CAPS2: variants seen among roughly 807,000 people sequenced by gnomAD.
The protein encoded by CAPS2 is calcyphosine 2, also known as calcyphosin-2.
A neutral mutation model predicts 86.5 loss-of-function variants in CAPS2; 98 were observed. The observed-to-expected ratio is 1.13, with a 90% CI of 0.96 to 1.34. The LOEUF is 1.34. Among genes scored for constraint, CAPS2 ranks in the 40% most tolerant of loss-of-function variants. The pLI is 0.00. For missense variants in CAPS2, 729 were observed against 686.8 expected (o/e 1.06, Z -0.69); for synonymous variants, 210 against 225.1 (o/e 0.93, Z 0.60).
intron 1 of CAPS2, among the ~76,000 whole-genome samples, chr12:75,362,164 A>G (rs2043638936): frequency 6.6e-6 from 1 of 152,158 alleles, no homozygotes; most frequent in South Asian, 2.1e-4. Flanking sequence ...TATAGGAAGA[A>G]CTCTCACAAC....
chr12:75,279,971 G>A (rs951445453), intron 16 of CAPS2, among the ~76,000 whole-genome samples: 2 of 151,516 alleles, frequency 1.3e-5, no homozygotes, highest in African/African-American at 2.4e-5. Flanking sequence ...TTCAAATAGC[G>A]AAGAATTTCA....
chr12:75,383,674 C>G (rs1295938503), intron 1 of CAPS2, among the ~76,000 whole-genome samples: 1 of 152,150 alleles, frequency 6.6e-6, no homozygotes, highest in Non-Finnish European at 1.5e-5. Flanking sequence ...ACAACAACAT[C>G]AATCACCTGG....
exon 1 of CAPS2, chr12:75,390,886 T>C (rs772726481): frequency 1.0e-5 from 7 of 698,522 alleles, no homozygotes; most frequent in Non-Finnish European, 1.9e-5. Context: ...ACCAGCTTTC[T>C]TCACTCTGCA....
intron 6 of CAPS2, among the ~76,000 whole-genome samples, chr12:75,315,201 A>G (rs2039630850): frequency 6.6e-6 from 1 of 152,210 alleles, no homozygotes; most frequent in South Asian, 2.1e-4. Flanking sequence ...AAAGAAATCC[A>G]TTAACATCCA....
At chr12:75,285,065 A>G (rs1355108780) in exon 15 of CAPS2, 1 of 1,608,726 alleles carries the variant, frequency 6.2e-7, no homozygotes, top group African/African-American at 1.3e-5. Context: ...AGAATTAGCC[A>G]TGCAGACTCA....
At chr12:75,316,285 A>G (rs905695147) in intron 6 of CAPS2, 27 bp downstream of exon 6, 2 of 1,549,004 alleles carry the variant, frequency 1.3e-6, no homozygotes, top group African/African-American at 2.7e-5. Flanking sequence ...ATGGCTCACC[A>G]AATAAGTAAA....
intron 5 of CAPS2, among the ~76,000 whole-genome samples, chr12:75,318,382 C>T (rs1402756130): frequency 6.6e-6 from 1 of 152,098 alleles, no homozygotes; most frequent in Non-Finnish European, 1.5e-5. Context: ...AGCCCATCCT[C>T]AAAAGAACGA....
chr12:75,358,742 TA>T (rs938835885), intron 1 of CAPS2, among the ~76,000 whole-genome samples: 2 of 145,268 alleles, frequency 1.4e-5, no homozygotes, highest in Non-Finnish European at 3.0e-5. Flanking sequence ...ATATATGGTT[TA>T]AATATATATA....
intron 14 of CAPS2, among the ~76,000 whole-genome samples, chr12:75,289,097 G>A (rs1315069179): frequency 6.6e-6 from 1 of 152,024 alleles, no homozygotes; most frequent in Non-Finnish European, 1.5e-5. Flanking sequence ...TCAGAAACAG[G>A]CCACACTCCC....
intron 1 of CAPS2, among the ~76,000 whole-genome samples, chr12:75,344,657 T>A (rs2042331964): frequency 6.6e-6 from 1 of 152,144 alleles, no homozygotes; most frequent in African/African-American, 2.4e-5. Flanking sequence ...TTCCATCATA[T>A]CATGTTGGGT....
chr12:75,326,617 A>G (rs2040812530), upstream of CAPS2: 11 of 668,382 alleles, frequency 1.6e-5, no homozygotes, highest in Non-Finnish European at 2.9e-5. Flanking sequence ...CTACCTGGAA[A>G]GAAATCATAA....
chr12:75,297,243 T>C (rs1380373646), intron 11 of CAPS2, among the ~76,000 whole-genome samples: 2 of 152,220 alleles, frequency 1.3e-5, no homozygotes, highest in East Asian at 1.9e-4. Flanking sequence ...ACTTGGAATA[T>C]GCATTAAACA....
At chr12:75,280,078 C>A (rs958615417) in intron 16 of CAPS2, among the ~76,000 whole-genome samples, 1 of 151,600 alleles carries the variant, frequency 6.6e-6, no homozygotes, top group Non-Finnish European at 1.5e-5. Flanking sequence ...ATATTTACAG[C>A]AAAAAATGTT....
intron 5 of CAPS2, among the ~76,000 whole-genome samples, chr12:75,319,077 A>T (rs999778976): frequency 6.6e-6 from 1 of 152,202 alleles, no homozygotes; most frequent in Non-Finnish European, 1.5e-5. Context: ...TAATTTCAAG[A>T]TGTCTCATTA....
chr12:75,338,039 T>C (rs34128238), intron 1 of CAPS2, among the ~76,000 whole-genome samples: 9,004 of 152,118 alleles, frequency 0.059, 271 homozygotes, highest in African/African-American at 0.08. Flanking sequence ...AGGTGAATTC[T>C]AAGAGAAAAG....
Position 75,342,395 on chromosome 12 carries a change from C to T in CAPS2, c.-394-19173G>A, listed in dbSNP as rs192720803. Among the ~76,000 whole-genome samples the T allele has an allele frequency of 5.5e-4, 83 of 152,270 alleles. 3 individuals are homozygous for T. Among genetic ancestry groups the T allele is most frequent in the Admixed American group, 4.8e-3 (73 of 15,302 alleles). ...TTGGGAAAAGTAGGTGAAGTCTACA[C>T]AGGACCCCTGTGTATTATTTTTGTA... On this transcript the variant is annotated intron_variant, in intron 1 of 5. Transcript: ENST00000551829.
At chr12:75,351,204 T>C (rs2042786890) in intron 1 of CAPS2, among the ~76,000 whole-genome samples, 1 of 152,196 alleles carries the variant, frequency 6.6e-6, no homozygotes, top group African/African-American at 2.4e-5. Context: ...ATTGAACCTA[T>C]GACTGATTGG....
chr12:75,305,953 CA>C lies in CAPS2; in HGVS notation c.660-1078del, dbSNP rs201372813. On this transcript the variant is annotated intron_variant, in intron 7 of 16. Coordinates refer to ENST00000393284, the Ensembl canonical transcript of CAPS2. ...GGTGAAAGCGCTGGAGCCCGAGGAG[CA>C]TGGACAGGGTGGCTCTGAGCAACAG... 5,574 of 1,190,054 alleles carry C rather than the reference CA, an allele frequency of 4.7e-3. 117 individuals carry two copies. The African/African-American group carries it at 0.052, about 11-fold the overall frequency. The allele number at this position is 1,190,054 out of a possible 1,614,324, so 73.7% of individuals were successfully genotyped here.
intron 1 of CAPS2, chr12:75,360,958 C>T (rs1226932423): frequency 6.6e-6 from 1 of 152,162 alleles, no homozygotes; most frequent in Non-Finnish European, 1.5e-5. Flanking sequence ...CTTTCTTCCC[C>T]TTAGCTCAGA....
Sources: gnomAD v4.1 joint callset for allele counts (sites outside exome capture counted in the v4.1 genomes callset) on GRCh38, gnomAD v4.1.1 for gene constraint, MANE v1.5 for transcripts, NCBI Gene and HGNC (gene_info 2026-07-23, HGNC 2026-07-21) for gene names.